BLTP1: variants seen among roughly 807,000 people sequenced by gnomAD.
BLTP1 encodes the protein bridge-like lipid transfer protein family member 1.
the BLTP1 span, chr4:122,362,285 C>CTGTT: frequency 1.3e-6 from 2 of 1,519,330 alleles, no homozygotes; most frequent in South Asian, 2.3e-5. Context: ...ATGATTGTGT[C>CTGTT]TGTTTTATTA....
the BLTP1 span, chr4:122,254,783 A>AT: frequency 1.3e-6 from 2 of 1,489,594 alleles, no homozygotes; most frequent in African/African-American, 2.8e-5. Flanking sequence ...TGTTTTTATA[A>AT]TTTTTTATTT....
the BLTP1 span, among the ~76,000 whole-genome samples, chr4:122,216,535 ATGTT>A: frequency 6.6e-6 from 1 of 152,018 alleles, no homozygotes; most frequent in Non-Finnish European, 1.5e-5. Context: ...CATTTTTCGT[ATGTT>A]TGTTGTCCAT....
the BLTP1 span, chr4:122,325,868 T>G: frequency 4.2e-6 from 5 of 1,177,882 alleles, no homozygotes; most frequent in Non-Finnish European, 5.6e-6. Flanking sequence ...AAAAATACAG[T>G]ATGGGGAAGT....
At chr4:122,331,203 T>C in the BLTP1 span, 1 of 1,407,330 alleles carries the variant, frequency 7.1e-7, no homozygotes, top group Admixed American at 2.7e-5. Context: ...AACTCACTCA[T>C]GTGAATTTAC....
chr4:122,198,141 G>T, the BLTP1 span: 4 of 984,512 alleles, frequency 4.1e-6, no homozygotes, highest in African/African-American at 5.2e-5. Flanking sequence ...ATGTAAAGTG[G>T]TAGCATTCAG....
the BLTP1 span, chr4:122,244,876 A>G: frequency 2.8e-6 from 3 of 1,059,246 alleles, no homozygotes; most frequent in Non-Finnish European, 3.9e-6. Flanking sequence ...TAATTTCTAA[A>G]TATGTGGCTT....
the BLTP1 span, among the ~76,000 whole-genome samples, chr4:122,203,505 A>G: frequency 6.2e-4 from 95 of 152,004 alleles, no homozygotes; most frequent in African/African-American, 1.9e-3. Flanking sequence ...GTTTTTTCAG[A>G]GTAACATTTA....
chr4:122,313,738 T>A, the BLTP1 span: 3 of 1,090,816 alleles, frequency 2.8e-6, no homozygotes, highest in Non-Finnish European at 4.0e-6. Flanking sequence ...CTGCCTTTAT[T>A]TTAATGGCAA....
the BLTP1 span, chr4:122,346,932 G>GT: frequency 1.2e-6 from 1 of 860,790 alleles, no homozygotes; most frequent in Non-Finnish European, 1.4e-6. Flanking sequence ...TTAGCACTGA[G>GT]GATATATCAG....
the BLTP1 span, among the ~76,000 whole-genome samples, chr4:122,205,521 C>T: frequency 6.6e-6 from 1 of 150,810 alleles, no homozygotes; most frequent in Non-Finnish European, 1.5e-5. Flanking sequence ...CTCTCTCTCT[C>T]TCTCTAGTGT....
At chr4:122,174,152 T>C in the BLTP1 span, 2 of 973,498 alleles carry the variant, frequency 2.1e-6, no homozygotes, top group Non-Finnish European at 2.4e-6. Flanking sequence ...GCCTTATAAT[T>C]GAGTACCTTT....
chr4:122,229,718 A>C, the BLTP1 span: 4 of 963,918 alleles, frequency 4.1e-6, no homozygotes, highest in Non-Finnish European at 4.9e-6. Flanking sequence ...TCCTTTTTAA[A>C]AAATTGTCTA....
At chr4:122,155,397 C>A in the BLTP1 span, among the ~76,000 whole-genome samples, 1 of 150,876 alleles carries the variant, frequency 6.6e-6, no homozygotes, top group African/African-American at 2.4e-5. Flanking sequence ...AATCTCTTCT[C>A]ACTGCAACCT....
chr4:122,152,351 T>G, the BLTP1 span: 8 of 985,292 alleles, frequency 8.1e-6, no homozygotes, highest in Non-Finnish European at 8.4e-6. Context: ...CCGGCCTCGG[T>G]TGGGACCCCT....
At chr4:122,196,477 T>C in the BLTP1 span, 2 of 176,742 alleles carry the variant, frequency 1.1e-5, no homozygotes, top group Non-Finnish European at 2.2e-5. Flanking sequence ...TAATCAAGGC[T>C]CATTGATCTC....
chr4:122,261,338 C>T, the BLTP1 span: 1 of 984,636 alleles, frequency 1.0e-6, no homozygotes. Context: ...TGTTCATTTT[C>T]AGAATTGTTT....
At chr4:122,160,709 G>T in the BLTP1 span, among the ~76,000 whole-genome samples, 3 of 152,126 alleles carry the variant, frequency 2.0e-5, no homozygotes, top group Non-Finnish European at 4.4e-5. Context: ...TGTATGATCT[G>T]ATTTGTATTT....
the BLTP1 span, chr4:122,289,278 A>G: frequency 1.0e-6 from 1 of 974,794 alleles, no homozygotes; most frequent in Non-Finnish European, 1.5e-6. Flanking sequence ...TGGTATAAGT[A>G]TTGATCCAGC....
At chr4:122,198,520 T>C in the BLTP1 span, 35 of 847,564 alleles carry the variant, frequency 4.1e-5, no homozygotes, top group South Asian at 1.1e-4. Context: ...TTTACTGTTT[T>C]ATGCAGTATT....
Sources: allele counts gnomAD v4.1 joint callset (sites outside exome capture counted in the v4.1 genomes callset), GRCh38; gene constraint gnomAD v4.1.1; transcripts MANE v1.5; gene names NCBI Gene and HGNC (gene_info 2026-07-23, HGNC 2026-07-21).